The following TRPM3 variants were observed in gnomAD, a reference collection of about 807,000 sequenced individuals.
TRPM3 encodes long transient receptor potential channel 3.
Under a neutral mutation model 181.2 loss-of-function variants are expected in TRPM3, and 77 were observed. The observed-to-expected ratio is 0.42, with a 90% CI of 0.35 to 0.51. The LOEUF (loss-of-function observed/expected upper bound fraction) is 0.51, where lower values mean the gene tolerates loss of function less well. Among genes scored for constraint, TRPM3 ranks in the 20% least tolerant of loss-of-function variants. TRPM3 has a pLI of 0.01. For synonymous variants in TRPM3, 745 were observed against 796.4 expected, an observed-to-expected ratio of 0.94 and a Z score of 1.09; for missense variants, 1,759 against 2,196.7, an observed-to-expected ratio of 0.80 and a Z score of 3.98.
chr9:70,783,597 C>A (rs1386744510), intron 7 of TRPM3, among the ~76,000 whole-genome samples: 1 of 152,126 alleles, frequency 6.6e-6, no homozygotes, highest in Non-Finnish European at 1.5e-5. Flanking sequence ...GTTACCATTA[C>A]AGAGATTTGA....
intron 1 of TRPM3, among the ~76,000 whole-genome samples, chr9:71,147,042 A>G (rs2075448409): frequency 6.6e-6 from 1 of 152,158 alleles, no homozygotes; most frequent in South Asian, 2.1e-4. Context: ...GAACTGAAAG[A>G]CCTGACAACA....
intron 3 of TRPM3, among the ~76,000 whole-genome samples, chr9:70,851,171 G>C (rs1479810642): frequency 6.6e-6 from 1 of 151,984 alleles, no homozygotes; most frequent in Non-Finnish European, 1.5e-5. Flanking sequence ...AAACAGAAAA[G>C]AAAATCCCGA....
chr9:70,784,642 T>C (rs2083201473), intron 6 of TRPM3, among the ~76,000 whole-genome samples: 1 of 152,214 alleles, frequency 6.6e-6, no homozygotes, highest in Admixed American at 6.5e-5. Context: ...GAACATGATC[T>C]GAAGCAAGTC....
chr9:70,778,225 T>A (rs563478663), intron 7 of TRPM3, among the ~76,000 whole-genome samples: 3 of 152,302 alleles, frequency 2.0e-5, no homozygotes, highest in Admixed American at 6.5e-5. Flanking sequence ...TTTTTGTGGA[T>A]ATTAACATAC....
chr9:71,207,625 A>C (rs1377997491), intron 1 of TRPM3, among the ~76,000 whole-genome samples: 1 of 152,200 alleles, frequency 6.6e-6, no homozygotes, highest in African/African-American at 2.4e-5. Context: ...TTGGCACTGC[A>C]TAGTATAGTA....
chr9:70,543,726 C>T (rs1487213657), intron 25 of TRPM3, among the ~76,000 whole-genome samples: 1 of 152,098 alleles, frequency 6.6e-6, no homozygotes, highest in Non-Finnish European at 1.5e-5. Context: ...TAAAAGATGA[C>T]ACTAGGAATA....
Position 70,998,250 on chromosome 9 carries a change from C to T in TRPM3, c.177+122928G>A, listed in dbSNP as rs35521345. Among the ~76,000 whole-genome samples, 223 of 129,374 alleles carry T rather than the reference C, an allele frequency of 1.7e-3. 2 individuals carry two copies. Among genetic ancestry groups the T allele is most frequent in the South Asian group, 4.9e-3 (19 of 3,898 alleles). 84.9% of individuals were successfully genotyped at this position (129,374 alleles called of 152,430 possible). On this transcript the variant is annotated intron_variant, in intron 1 of 25. Transcript: ENST00000677713. ...ATATACACACACACACACACACACA[C>T]ATATATATATATATATTTTTTTTAG...
At chr9:71,437,615 C>T (rs1474662935) in intron 1 of TRPM3, among the ~76,000 whole-genome samples, 1 of 152,040 alleles carries the variant, frequency 6.6e-6, no homozygotes, top group Non-Finnish European at 1.5e-5. Flanking sequence ...TCATGCCTGT[C>T]CTAGCAGTTT....
At chr9:70,639,238 ATG>A (rs778543966) in intron 10 of TRPM3, 44 bp from the exon 11 acceptor site, 1 of 1,606,204 alleles carries the variant, frequency 6.2e-7, no homozygotes, top group Non-Finnish European at 8.5e-7. Context: ...GGGTCTATCT[ATG>A]GATGCAGTTC....
chr9:70,817,682 C>T (rs1044970025), intron 6 of TRPM3, among the ~76,000 whole-genome samples: 1 of 152,086 alleles, frequency 6.6e-6, no homozygotes, highest in African/African-American at 2.4e-5. Context: ...ATGGAAAACT[C>T]CCCAGAAGAA....
chr9:70,906,135 TA>T (rs886604397), intron 1 of TRPM3, among the ~76,000 whole-genome samples: 2 of 152,162 alleles, frequency 1.3e-5, no homozygotes, highest in Admixed American at 6.5e-5. Context: ...CTTGACAACT[TA>T]AAAAAATCTT....
At chr9:70,740,211 C>G (rs58302882) in intron 8 of TRPM3, among the ~76,000 whole-genome samples, 66,590 of 151,978 alleles carry the variant, frequency 0.44, 15,566 homozygotes, top group African/African-American at 0.61. Flanking sequence ...AGTGCTCAAC[C>G]CTTTTCACAA....
intron 22 of TRPM3, among the ~76,000 whole-genome samples, chr9:70,582,794 C>T (rs945681010): frequency 6.6e-6 from 1 of 152,186 alleles, no homozygotes; most frequent in Non-Finnish European, 1.5e-5. Flanking sequence ...TGAAGAATTT[C>T]CAGACTTACC....
In TRPM3 at chr9:70,535,678, A is replaced by C; in HGVS notation, c.*275T>G. 1 of 1,439,814 alleles carries C rather than the reference A, an allele frequency of 6.9e-7. No homozygotes were observed. Among genetic ancestry groups the C allele is most frequent in the Admixed American group, 2.9e-5 (1 of 34,878 alleles). 89.2% of individuals were successfully genotyped at this position (1,439,814 alleles called of 1,614,324 possible). The stretch of plus-strand genomic sequence containing the variant: ...CTTTCTGCTGTGACTGCGGATACAC[A>C]TTCATCTCTAACCCTTCCTTCTCCC... On this transcript the variant is annotated 3_prime_UTR_variant, in exon 26 of 26. Coordinates refer to ENST00000677713, the MANE Select transcript of TRPM3 (RefSeq NM_001366145.2).
chr9:71,033,266 T>G (rs1475555547), intron 1 of TRPM3, among the ~76,000 whole-genome samples: 1 of 152,244 alleles, frequency 6.6e-6, no homozygotes, highest in East Asian at 1.9e-4. Context: ...CAAGTTGTAC[T>G]GAGAGCAAGG....
chr9:70,571,232 C>T (rs576996750), intron 22 of TRPM3, among the ~76,000 whole-genome samples: 1 of 152,174 alleles, frequency 6.6e-6, no homozygotes, highest in African/African-American at 2.4e-5. Flanking sequence ...TTAGCTCTGC[C>T]GTTTACTAGC....
Position 70,535,992 on chromosome 9 carries a change from TCTGGACAGTC to T in TRPM3, c.5111_5120del (p.Arg1704LysfsTer17), listed in dbSNP as rs1325760119. 1.2e-6 allele frequency: 2 copies of T among 1,612,542 alleles called. No individual in the cohort carries two copies. Among genetic ancestry groups the T allele is most frequent in the Admixed American group, 3.3e-5 (2 of 59,814 alleles). On this transcript the variant is annotated frameshift_variant, in exon 26 of 26. Coordinates refer to ENST00000677713, the MANE Select transcript of TRPM3 (RefSeq NM_001366145.2). LOFTEE classifies it high-confidence loss of function. Reference sequence around the variant, plus strand: ...TTTCAAAGCTTTGGAAAGCCGATGTTCTGGACAGTCTCCTCATGGACAGGCTGTCCCCTCG... The same window carrying T: ...TTTCAAAGCTTTGGAAAGCCGATGTTTCCTCATGGACAGGCTGTCCCCTCG...
At chr9:70,752,049 T>C (rs10115209) in intron 8 of TRPM3, among the ~76,000 whole-genome samples, 8,747 of 116,154 alleles carry the variant, frequency 0.075, 343 homozygotes, top group African/African-American at 0.12. Flanking sequence ...TGTGTGTGTG[T>C]GCGCGCGCGC....
chr9:71,121,566 G>A lies in TRPM3; in HGVS notation c.-212C>T. ...AGGGGATGCACGATTTTGAAGAAGA[G>A]GGACAGCCTGCACAAAACAGCCTGT... On this transcript the variant is annotated 5_prime_UTR_variant, in exon 1 of 26. Coordinates refer to ENST00000677713, the MANE Select transcript of TRPM3 (RefSeq NM_001366145.2). The A allele has an allele frequency of 2.9e-6, 4 of 1,368,456 alleles. No individual in the cohort carries two copies. The South Asian group carries it at 5.7e-5, about 19-fold the overall frequency. The allele number at this position is 1,368,456 out of a possible 1,614,324, so 84.8% of individuals were successfully genotyped here.
Sources: allele counts gnomAD v4.1 joint callset (sites outside exome capture counted in the v4.1 genomes callset), GRCh38; gene constraint gnomAD v4.1.1; transcripts MANE v1.5; gene names NCBI Gene and HGNC (gene_info 2026-07-23, HGNC 2026-07-21).